The following APOLD1 variants were observed in gnomAD, a reference collection of about 807,000 sequenced individuals.
The protein encoded by APOLD1 is apolipoprotein L domain-containing protein 1.
APOLD1 carries 22 observed loss-of-function variants against 15.3 expected under a neutral mutation model. The observed-to-expected ratio is 1.44, with a 90% confidence interval of 1.03 to 2.05. The LOEUF is 2.05. APOLD1 is among the 30% of genes most tolerant of loss of function. The pLI, the probability that APOLD1 is intolerant of heterozygous loss-of-function variation, is 0.00. For missense variants in APOLD1, 394 were observed against 353.5 expected, an observed-to-expected ratio of 1.11 and a Z score of -0.92; for synonymous variants, 190 against 167.4, an observed-to-expected ratio of 1.13 and a Z score of -1.04.
At chr12:12,755,191 A>G (rs563805003) in intron 1 of APOLD1, among the ~76,000 whole-genome samples, 2 of 152,352 alleles carry the variant, frequency 1.3e-5, no homozygotes, top group African/African-American at 2.4e-5. Context: ...TCAACACTCC[A>G]TACCTGTAGG....
In APOLD1 at chr12:12,790,785, C is replaced by A. The variant is rs1947179382; in HGVS notation, c.*3133C>A. On this transcript the variant is annotated 3_prime_UTR_variant, in exon 2 of 2. Transcript: ENST00000356591. Reference sequence around the variant, plus strand: ...GTGTGAGTAAGATTGGAGCCTCTATCAAGATTTAGTCAAGTTCAGTTAGAT... The same window carrying A: ...GTGTGAGTAAGATTGGAGCCTCTATAAAGATTTAGTCAAGTTCAGTTAGAT... The A allele has an allele frequency of 6.6e-6, 1 of 152,166 alleles. No homozygotes were observed. The highest frequency in any genetic ancestry group is 2.4e-5 in the African/African-American group (1 of 41,432). 9.4% of individuals were successfully genotyped at this position (152,166 alleles called of 1,614,324 possible). A position where few individuals can be genotyped will look rare whatever the true frequency, so the allele number is the denominator to read the frequency against.
rs1258838675 is a variant in APOLD1 at position 12,790,379 on chromosome 12, A to T, written c.*2727A>T. 1.3e-5 allele frequency: 2 copies of T among 152,350 alleles called. No homozygotes were observed. 9.4% of individuals were successfully genotyped at this position (152,350 alleles called of 1,614,324 possible). On this transcript the variant is annotated 3_prime_UTR_variant, in exon 2 of 2. Transcript: ENST00000356591. Reference sequence around the variant, plus strand: ...TTTCACAATCATTTTAAATCATTTTAGAATGTACTTCACATTATTAGTTGT... The same window carrying T: ...TTTCACAATCATTTTAAATCATTTTTGAATGTACTTCACATTATTAGTTGT...
chr12:12,767,044 G>A (rs1946947620), intron 1 of APOLD1, among the ~76,000 whole-genome samples: 1 of 152,004 alleles, frequency 6.6e-6, no homozygotes, highest in African/African-American at 2.4e-5. Context: ...TCAGGAGTTC[G>A]AGACCAGCCT....
Position 12,777,336 on chromosome 12 carries a change from G to T in APOLD1, c.97-9573G>T, listed in dbSNP as rs186470784. 1.3e-3 allele frequency among the ~76,000 whole-genome samples: 199 copies of T among 152,278 alleles called. 2 individuals carry two copies. The highest frequency in any genetic ancestry group is 3.1e-3 in the South Asian group (15 of 4,822). The stretch of plus-strand genomic sequence containing the variant: ...TGATACAAGGACAAAAGGAAAGAGT[G>T]GTTGGTCAGTTTCATCACACAGGCT... On this transcript the variant is annotated intron_variant, in intron 1 of 1. Transcript: ENST00000326765.
upstream of APOLD1, among the ~76,000 whole-genome samples, chr12:12,781,281 A>G (rs1947077636): frequency 6.6e-6 from 1 of 152,040 alleles, no homozygotes; most frequent in South Asian, 2.1e-4. Context: ...CGTCTCTACT[A>G]AAAATACAAA....
At chr12:12,783,888 C>A (rs527845213), upstream of APOLD1, among the ~76,000 whole-genome samples, 4 of 152,298 alleles carry the variant, frequency 2.6e-5, no homozygotes, top group African/African-American at 9.6e-5. Context: ...CCCTCCTCTG[C>A]CTCCCAAAGT....
At chr12:12,737,199 A>G (rs1946693975) in intron 1 of APOLD1, among the ~76,000 whole-genome samples, 1 of 143,622 alleles carries the variant, frequency 7.0e-6, no homozygotes, top group East Asian at 2.0e-4. Flanking sequence ...CTTCAAAAGG[A>G]TAATAGAAAT....
chr12:12,726,202 G>T lies in APOLD1; in HGVS notation c.96+106G>T, dbSNP rs905660642. On this transcript the variant is annotated intron_variant, in intron 1 of 1. Transcript: ENST00000326765. The stretch of plus-strand genomic sequence containing the variant: ...AAAAGAGGAAATAGAGGAAAAATGT[G>T]TTATTTCAACCGCCACTCAGAACCC... 9.9e-6 allele frequency: 8 copies of T among 811,686 alleles called. No homozygotes were observed. In the East Asian group the frequency reaches 1.2e-4, roughly 12 times the overall value. 50.3% of individuals were successfully genotyped at this position (811,686 alleles called of 1,614,324 possible).
At chr12:12,769,851 C>A (rs1946972342) in intron 1 of APOLD1, among the ~76,000 whole-genome samples, 1 of 152,090 alleles carries the variant, frequency 6.6e-6, no homozygotes, top group African/African-American at 2.4e-5. Context: ...AAGACTGAGA[C>A]CTAATTATCG....
intron 1 of APOLD1, among the ~76,000 whole-genome samples, chr12:12,778,167 C>T (rs938456598): frequency 6.6e-6 from 1 of 151,832 alleles, no homozygotes; most frequent in African/African-American, 2.4e-5. Flanking sequence ...TGAGCTCAAG[C>T]AGTCCGCCAG....
At chr12:12,779,347 T>C (rs7956578) in intron 1 of APOLD1, among the ~76,000 whole-genome samples, 75,806 of 151,930 alleles carry the variant, frequency 0.5, 19,716 homozygotes, top group East Asian at 0.69. Flanking sequence ...ATATCTTATT[T>C]AGCTTTTGGT....
rs1385015012 is a variant in APOLD1, at chr12:12,785,665, T to C, written c.-27T>C. ...CTCATCCAGAAACAGCCTCAGATTTTACTTTCCTGGAGGCAGACAGAAGTG... is the reference window on the plus strand; with the variant it reads ...CTCATCCAGAAACAGCCTCAGATTTCACTTTCCTGGAGGCAGACAGAAGTG... On this transcript the variant is annotated 5_prime_UTR_variant, in exon 1 of 2. Coordinates refer to ENST00000356591, the MANE Select transcript of APOLD1 (RefSeq NM_030817.3). The C allele has an allele frequency of 1.1e-5, 17 of 1,614,224 alleles. No homozygotes were observed. Among genetic ancestry groups the C allele is most frequent in the Non-Finnish European group, 1.4e-5 (17 of 1,180,032 alleles).
chr12:12,753,340 A>G (rs1269531064), intron 1 of APOLD1, among the ~76,000 whole-genome samples: 3 of 152,178 alleles, frequency 2.0e-5, no homozygotes, highest in Non-Finnish European at 4.4e-5. Context: ...TAAATTAGAT[A>G]TTGTGGAAAT....
chr12:12,746,689 G>A (rs1352215269), intron 1 of APOLD1, among the ~76,000 whole-genome samples: 1 of 152,034 alleles, frequency 6.6e-6, no homozygotes, highest in East Asian at 1.9e-4. Context: ...GGTTGTACAT[G>A]GGTATATTGC....
chr12:12,774,585 AAAAG>A (rs1947016762), intron 1 of APOLD1, among the ~76,000 whole-genome samples: 1 of 135,620 alleles, frequency 7.4e-6, no homozygotes, highest in Non-Finnish European at 1.7e-5. Context: ...GAAAGAAAAG[AAAAG>A]TAAAGAAAAG....
chr12:12,767,665 C>G (rs1003677168), intron 1 of APOLD1, among the ~76,000 whole-genome samples: 3 of 151,980 alleles, frequency 2.0e-5, no homozygotes, highest in African/African-American at 7.2e-5. Flanking sequence ...CAAAACAAAA[C>G]AAAAACAAAA....
At chr12:12,770,216 C>T (rs921213254) in intron 1 of APOLD1, among the ~76,000 whole-genome samples, 1 of 152,150 alleles carries the variant, frequency 6.6e-6, no homozygotes, top group African/African-American at 2.4e-5. Flanking sequence ...ACCAGCCTGA[C>T]AAGCATGGTG....
chr12:12,758,691 C>T (rs116745058), intron 1 of APOLD1, among the ~76,000 whole-genome samples: 18 of 152,316 alleles, frequency 1.2e-4, no homozygotes, highest in African/African-American at 3.4e-4. Flanking sequence ...TAAGCACTTA[C>T]GTATTGTGGC....
chr12:12,733,368 C>T (rs1171337742), intron 1 of APOLD1, among the ~76,000 whole-genome samples: 2 of 151,840 alleles, frequency 1.3e-5, no homozygotes, highest in Non-Finnish European at 2.9e-5. Flanking sequence ...TTCCATAGCA[C>T]ATTAAGACCA....
Sources: allele counts gnomAD v4.1 joint callset (sites outside exome capture counted in the v4.1 genomes callset), GRCh38; gene constraint gnomAD v4.1.1; transcripts MANE v1.5; gene names NCBI Gene and HGNC (gene_info 2026-07-23, HGNC 2026-07-21).